CLASP1: variants seen among roughly 807,000 people sequenced by gnomAD.
CLASP1 encodes CLIP-associating protein 1.
In CLASP1, 38 loss-of-function variants were observed where a neutral mutation model predicts 192.3. The observed-to-expected ratio is 0.20, with a 90% CI of 0.15 to 0.26. The LOEUF (loss-of-function observed/expected upper bound fraction) is 0.26. CLASP1 is among the 10% of genes least tolerant of loss of function. The pLI, the probability that CLASP1 is intolerant of heterozygous loss-of-function variation, is 1.00. For synonymous variants in CLASP1, 691 were observed against 712.8 expected (o/e 0.97, Z 0.49); for missense variants, 1,433 against 1,932.5 (o/e 0.74, Z 4.85).
intron 2 of CLASP1, among the ~76,000 whole-genome samples, chr2:121,540,690 G>C (rs1478609474): frequency 6.6e-6 from 1 of 151,978 alleles, no homozygotes; most frequent in Non-Finnish European, 1.5e-5. Flanking sequence ...TGGAGGCTGA[G>C]GCAGGAGAAT....
intron 2 of CLASP1, among the ~76,000 whole-genome samples, chr2:121,566,089 C>A (rs972285952): frequency 4.6e-5 from 7 of 152,156 alleles, no homozygotes; most frequent in African/African-American, 1.4e-4. Context: ...CATTTCACTG[C>A]TTTAATCCAA....
chr2:121,538,352 C>T (rs1435813905), intron 2 of CLASP1, among the ~76,000 whole-genome samples: 3 of 151,870 alleles, frequency 2.0e-5, no homozygotes, highest in African/African-American at 7.3e-5. Context: ...GCAGATGTTG[C>T]AGTGACCCAA....
chr2:121,498,933 G>A (rs1047759006), intron 8 of CLASP1, among the ~76,000 whole-genome samples: 1 of 152,194 alleles, frequency 6.6e-6, no homozygotes, highest in African/African-American at 2.4e-5. Context: ...TGTTGGCGAG[G>A]ATGTGGAGAA....
At chr2:121,593,064 G>C (rs2062611610) in intron 2 of CLASP1, among the ~76,000 whole-genome samples, 1 of 152,172 alleles carries the variant, frequency 6.6e-6, no homozygotes, top group African/African-American at 2.4e-5. Flanking sequence ...CTATTAATTA[G>C]AAAGAGGGGA....
In CLASP1 at chr2:121,395,887, C is replaced by T. The variant is rs1056830423; in HGVS notation, c.3123+1253G>A. Among the ~76,000 whole-genome samples the T allele has an allele frequency of 2.0e-5, 3 of 152,174 alleles. 1 individual carries two copies. Among genetic ancestry groups the T allele is most frequent in the Admixed American group, 2.0e-4 (3 of 15,274 alleles). On this transcript the variant is annotated intron_variant, in intron 30 of 39. Coordinates refer to ENST00000263710, the Ensembl canonical transcript of CLASP1. ...TAGTCCTGAAGATACTGAGGAGCAA[C>T]ACTCCGTAGCAAGAGAATTTGCAAG...
intron 1 of CLASP1, among the ~76,000 whole-genome samples, chr2:121,626,433 A>G (rs1176311369): frequency 6.6e-6 from 1 of 152,236 alleles, no homozygotes; most frequent in African/African-American, 2.4e-5. Flanking sequence ...GTATTAAGTT[A>G]TCATACAAAT....
At chr2:121,457,282 T>C (rs565383617) in intron 14 of CLASP1, among the ~76,000 whole-genome samples, 1 of 152,266 alleles carries the variant, frequency 6.6e-6, no homozygotes, top group East Asian at 1.9e-4. Context: ...TACAAAACTA[T>C]TGCCATTGAT....
At chr2:121,364,960 T>C (rs2067099858) in intron 36 of CLASP1, 134 bp downstream of exon 37, 2 of 844,124 alleles carry the variant, frequency 2.4e-6, no homozygotes, top group Non-Finnish European at 1.9e-6. Flanking sequence ...ATGTGAAAAA[T>C]GAACAAATAA....
chr2:121,582,499 GAGAA>G (rs995819373), intron 2 of CLASP1, among the ~76,000 whole-genome samples: 6 of 144,872 alleles, frequency 4.1e-5, no homozygotes, highest in Admixed American at 2.1e-4. Flanking sequence ...AGAAGGGAGG[GAGAA>G]AGAAAGAGAG....
intron 2 of CLASP1, among the ~76,000 whole-genome samples, chr2:121,555,840 C>A (rs1207867673): frequency 6.6e-6 from 1 of 152,080 alleles, no homozygotes; most frequent in Non-Finnish European, 1.5e-5. Flanking sequence ...TGCCACCACG[C>A]CCAGTTAATT....
chr2:121,404,868 T>C (rs1243390252), intron 25 of CLASP1, among the ~76,000 whole-genome samples: 1 of 152,202 alleles, frequency 6.6e-6, no homozygotes, highest in East Asian at 1.9e-4. Context: ...TTCCACATGC[T>C]ACAACTGAAA....
chr2:121,447,489 T>C (rs948636948), exon 19 of CLASP1: 3 of 1,553,810 alleles, frequency 1.9e-6, no homozygotes, highest in Non-Finnish European at 2.6e-6. Flanking sequence ...TGACACAGAT[T>C]TGGTACTAAC....
chr2:121,376,526 T>TGGGGGGGGAGGGGGG (rs2070199181), intron 34 of CLASP1, among the ~76,000 whole-genome samples: 1 of 105,134 alleles, frequency 9.5e-6, no homozygotes, highest in Non-Finnish European at 1.9e-5. Context: ...TGGGAAGGGG[T>TGGGGGGGGAGGGGGG]GGGGGGGGGG....
chr2:121,644,297 T>C (rs1473413072), intron 1 of CLASP1, among the ~76,000 whole-genome samples: 1 of 151,758 alleles, frequency 6.6e-6, no homozygotes, highest in Non-Finnish European at 1.5e-5. Flanking sequence ...CTGTATATTC[T>C]GGTCAGGTCA....
chr2:121,417,883 G>A (rs2078870464), intron 23 of CLASP1, among the ~76,000 whole-genome samples: 1 of 152,198 alleles, frequency 6.6e-6, no homozygotes, highest in African/African-American at 2.4e-5. Flanking sequence ...AAAATTAACA[G>A]ACTGCTGGAG....
chr2:121,484,052 A>G (rs1333194946), intron 8 of CLASP1, among the ~76,000 whole-genome samples: 1 of 152,224 alleles, frequency 6.6e-6, no homozygotes, highest in East Asian at 1.9e-4. Flanking sequence ...AAAGCTTAGG[A>G]GGAATCAACA....
At chr2:121,645,970 C>T (rs545124163) in intron 1 of CLASP1, among the ~76,000 whole-genome samples, 6 of 152,266 alleles carry the variant, frequency 3.9e-5, no homozygotes, top group South Asian at 4.1e-4. Flanking sequence ...CACATATACC[C>T]GTACTTTGTT....
intron 2 of CLASP1, chr2:121,531,114 A>G (rs1029812895): frequency 3.1e-6 from 2 of 635,202 alleles, no homozygotes; most frequent in African/African-American, 1.8e-5. Flanking sequence ...GCGTGGTTTT[A>G]GTGTCGCAAG....
At chr2:121,375,424 C>T (rs886167099) in intron 34 of CLASP1, among the ~76,000 whole-genome samples, 3 of 143,770 alleles carry the variant, frequency 2.1e-5, no homozygotes, top group African/African-American at 7.9e-5. Flanking sequence ...AATGCAGTGG[C>T]ACGATCTCGG....
Sources: gnomAD v4.1 joint callset for allele counts (sites outside exome capture counted in the v4.1 genomes callset) on GRCh38, gnomAD v4.1.1 for gene constraint, MANE v1.5 for transcripts, NCBI Gene and HGNC (gene_info 2026-07-23, HGNC 2026-07-21) for gene names.